The following SEC24B variants were observed in gnomAD, a reference collection of about 807,000 sequenced individuals.
The protein encoded by SEC24B is SEC24 homolog B, COPII component.
Under a neutral mutation model 142.8 loss-of-function variants are expected in SEC24B, and 45 were observed. The ratio of observed to expected loss-of-function variants is 0.32; its 90% confidence interval spans 0.25 to 0.40. The LOEUF is 0.40. SEC24B is among the 10% of genes least tolerant of loss of function. SEC24B has a pLI of 1.00. For missense variants in SEC24B, 1,409 were observed against 1,526.8 expected (o/e 0.92, Z 1.29); for synonymous variants, 574 against 568.2 (o/e 1.01, Z -0.15).
At chr4:109,486,401 G>A (rs567867499) in intron 4 of SEC24B, among the ~76,000 whole-genome samples, 1 of 152,298 alleles carries the variant, frequency 6.6e-6, no homozygotes, top group South Asian at 2.1e-4. Flanking sequence ...TTTAGAGACA[G>A]AAAACAGCTT....
At chr4:109,506,798 A>G (rs773725602) in intron 7 of SEC24B, among the ~76,000 whole-genome samples, 3 of 152,090 alleles carry the variant, frequency 2.0e-5, no homozygotes, top group Non-Finnish European at 2.9e-5. Flanking sequence ...TATTTCTTAA[A>G]TCTTTTTCCT....
At chr4:109,495,211 C>T (rs949866797) in intron 6 of SEC24B, among the ~76,000 whole-genome samples, 5 of 152,026 alleles carry the variant, frequency 3.3e-5, no homozygotes, top group African/African-American at 1.2e-4. Context: ...TTTATATTAT[C>T]AAGCTGGCAT....
chr4:109,479,674 A>G (rs1733532201), intron 3 of SEC24B, among the ~76,000 whole-genome samples: 1 of 152,100 alleles, frequency 6.6e-6, no homozygotes, highest in Admixed American at 6.6e-5. Flanking sequence ...GCTTCAAGTG[A>G]TACTCCTGCC....
chr4:109,488,318 T>C (rs1293785173), intron 4 of SEC24B, among the ~76,000 whole-genome samples: 2 of 152,160 alleles, frequency 1.3e-5, no homozygotes, highest in African/African-American at 4.8e-5. Context: ...TAATCCTCTG[T>C]CTCTACAGGT....
Position 109,524,844 on chromosome 4 carries a change from TG to T in SEC24B, c.2536del (p.Asp846IlefsTer8). 1 of 1,612,354 alleles carries T rather than the reference TG, an allele frequency of 6.2e-7. No homozygotes were observed. The highest frequency in any genetic ancestry group is 2.2e-5 in the East Asian group (1 of 44,752). The stretch of plus-strand genomic sequence containing the variant: ...TGGTACAACATCTTGGCCCTGCAAC[TG>T]ATTTTTATAAGAAACTTGCATTAGA... ...KVVQHLGPAT[D>X]FYKKLALDCS... On this transcript the variant is annotated frameshift_variant, in exon 15 of 24. Transcript: ENST00000265175. LOFTEE classifies it high-confidence loss of function.
chr4:109,463,192 C>T lies in SEC24B; in HGVS notation c.425C>T (p.Ser142Phe), dbSNP rs760165551. ...TTCCAAGGTGCTGCATCGTCAGCAT[C>T]CCATTTGCATACGAGTGCCTCCCAA... The part of the protein sequence containing the change: ...GSFQGAASSA[S>F]HLHTSASQPY... Residue 142 changes from serine (S) to phenylalanine (F), a missense_variant, in exon 2 of 24, where the codon TCC becomes TTC. Physicochemically the swap from Ser to Phe is radical, Grantham distance 155. Coordinates refer to ENST00000265175, the MANE Select transcript of SEC24B (RefSeq NM_006323.5). 14 of 1,614,164 alleles carry T rather than the reference C, an allele frequency of 8.7e-6. No individual in the cohort carries two copies. Among genetic ancestry groups the T allele is most frequent in the Admixed American group, 5.0e-5 (3 of 60,024 alleles).
At chr4:109,437,052 A>G (rs775049119) in intron 1 of SEC24B, among the ~76,000 whole-genome samples, 1 of 152,196 alleles carries the variant, frequency 6.6e-6, no homozygotes, top group Non-Finnish European at 1.5e-5. Flanking sequence ...ACAGATGGCA[A>G]CCTGCTACTT....
At chr4:109,489,657 A>G (rs1456638393) in intron 4 of SEC24B, among the ~76,000 whole-genome samples, 1 of 122,430 alleles carries the variant, frequency 8.2e-6, no homozygotes, top group Admixed American at 7.5e-5. Context: ...TATATGGTAT[A>G]TATATGATAT....
chr4:109,464,358 CG>C (rs1445609157), intron 2 of SEC24B, among the ~76,000 whole-genome samples: 1 of 151,180 alleles, frequency 6.6e-6, no homozygotes, highest in African/African-American at 2.4e-5. Flanking sequence ...TCTCAGCTCA[CG>C]GCAGCCTTGA....
chr4:109,462,179 T>A (rs1278335353), intron 1 of SEC24B, among the ~76,000 whole-genome samples: 1 of 152,140 alleles, frequency 6.6e-6, no homozygotes, highest in East Asian at 1.9e-4. Context: ...GCCATCACAC[T>A]CTATAGAGCC....
chr4:109,521,834 C>T (rs966534501), intron 14 of SEC24B, among the ~76,000 whole-genome samples: 2 of 151,888 alleles, frequency 1.3e-5, no homozygotes, highest in Non-Finnish European at 2.9e-5. Context: ...CAGGTTCAAG[C>T]GATTCTCCTG....
chr4:109,477,041 G>T (rs936080952), intron 3 of SEC24B, among the ~76,000 whole-genome samples: 30 of 150,538 alleles, frequency 2.0e-4, no homozygotes, highest in Non-Finnish European at 3.9e-4. Flanking sequence ...GGAGGCTGAG[G>T]CAGGAGAATG....
At chr4:109,448,911 T>A (rs976626533) in intron 1 of SEC24B, among the ~76,000 whole-genome samples, 18 of 152,192 alleles carry the variant, frequency 1.2e-4, no homozygotes, top group Admixed American at 1.3e-4. Context: ...TAGCCTGTAG[T>A]CTGACAGTTT....
intron 1 of SEC24B, among the ~76,000 whole-genome samples, chr4:109,440,774 G>A (rs1181951547): frequency 6.6e-6 from 1 of 152,146 alleles, no homozygotes; most frequent in Non-Finnish European, 1.5e-5. Flanking sequence ...TTCATCATAT[G>A]CCCAGTAGTA....
intron 6 of SEC24B, among the ~76,000 whole-genome samples, chr4:109,505,783 T>C (rs1736616728): frequency 6.6e-6 from 1 of 152,164 alleles, no homozygotes; most frequent in Non-Finnish European, 1.5e-5. Flanking sequence ...TAGGTTCATA[T>C]AAAAGGACAC....
intron 21 of SEC24B, among the ~76,000 whole-genome samples, chr4:109,533,265 A>G (rs949733510): frequency 2.6e-5 from 4 of 152,220 alleles, no homozygotes; most frequent in Admixed American, 2.6e-4. Context: ...CAGAAGAGGG[A>G]GAAATGCATG....
chr4:109,500,425 C>T (rs754915826), intron 6 of SEC24B, among the ~76,000 whole-genome samples: 3 of 151,284 alleles, frequency 2.0e-5, no homozygotes, highest in Admixed American at 6.6e-5. Flanking sequence ...GTGCCTGTAA[C>T]CCCAGCTACT....
intron 6 of SEC24B, among the ~76,000 whole-genome samples, chr4:109,495,142 T>C (rs1015330158): frequency 3.3e-5 from 5 of 152,206 alleles, no homozygotes; most frequent in Non-Finnish European, 7.3e-5. Context: ...GAGTCTACAA[T>C]TGCAAGTATT....
At chr4:109,499,415 A>C (rs1224489994) in intron 6 of SEC24B, among the ~76,000 whole-genome samples, 1 of 152,148 alleles carries the variant, frequency 6.6e-6, no homozygotes, top group East Asian at 1.9e-4. Flanking sequence ...AGACAGGAGA[A>C]TCACTTGAGC....
Sources: allele counts gnomAD v4.1 joint callset (sites outside exome capture counted in the v4.1 genomes callset), GRCh38; gene constraint gnomAD v4.1.1; transcripts MANE v1.5; gene names NCBI Gene and HGNC (gene_info 2026-07-23, HGNC 2026-07-21).